WARS2: variants seen among roughly 807,000 people sequenced by gnomAD.
The protein encoded by WARS2 is tryptophanyl tRNA synthetase 2, mitochondrial.
A neutral mutation model predicts 36.5 loss-of-function variants in WARS2; 28 were observed. That is an observed-to-expected ratio of 0.77 (90% confidence interval 0.57 to 1.05). WARS2 has a LOEUF of 1.05. Among genes scored for constraint, WARS2 ranks in the 50% least tolerant of loss-of-function variants. WARS2 has a pLI of 0.00. For missense variants in WARS2, 435 were observed against 456.8 expected, an observed-to-expected ratio of 0.95 and a Z score of 0.44; for synonymous variants, 174 against 178.4, an observed-to-expected ratio of 0.98 and a Z score of 0.20.
chr1:119,105,973 C>A (rs956721018), intron 1 of WARS2, among the ~76,000 whole-genome samples: 7 of 151,880 alleles, frequency 4.6e-5, no homozygotes, highest in Non-Finnish European at 8.8e-5. Flanking sequence ...AATGACTGAT[C>A]AAAGAATATG....
At chr1:119,056,701 G>C (rs1025430132) in intron 2 of WARS2, among the ~76,000 whole-genome samples, 6 of 151,778 alleles carry the variant, frequency 4.0e-5, no homozygotes, top group Admixed American at 2.6e-4. Flanking sequence ...CCCAAAAGAA[G>C]TTCTCTCATG....
intron 1 of WARS2, among the ~76,000 whole-genome samples, chr1:119,134,319 CAAAAAAAAAA>C (rs761321480): frequency 1.1e-4 from 7 of 65,880 alleles, no homozygotes; most frequent in African/African-American, 2.9e-4. Flanking sequence ...GGCAAAGGGG[CAAAAAAAAAA>C]AAAAAAAAAA....
intron 1 of WARS2, among the ~76,000 whole-genome samples, chr1:119,135,408 A>G (rs1656413317): frequency 6.6e-6 from 1 of 152,214 alleles, no homozygotes; most frequent in Non-Finnish European, 1.5e-5. Flanking sequence ...TTTATATAAC[A>G]GGGATTCATG....
chr1:119,049,088 A>AAAAAT (rs746606516), intron 2 of WARS2, among the ~76,000 whole-genome samples: 9 of 152,188 alleles, frequency 5.9e-5, no homozygotes, highest in South Asian at 4.1e-4. Context: ...ATAAAAAGTA[A>AAAAAT]AAAATAAAAT....
intron 1 of WARS2, among the ~76,000 whole-genome samples, chr1:119,139,439 A>G (rs908176834): frequency 2.6e-5 from 4 of 152,168 alleles, no homozygotes; most frequent in African/African-American, 9.7e-5. Flanking sequence ...ATAATCATGG[A>G]ACTATAGATT....
At chr1:119,102,276 A>G (rs1453647151) in intron 1 of WARS2, among the ~76,000 whole-genome samples, 3 of 152,162 alleles carry the variant, frequency 2.0e-5, no homozygotes, top group Non-Finnish European at 4.4e-5. Flanking sequence ...TCATTGGTCT[A>G]TTTTACTTAG....
Position 119,094,330 on chromosome 1 carries a change from C to T in WARS2, c.91-17723G>A, listed in dbSNP as rs1446247669. ...CAGATGAAGCAGTATGGATGGCATG[C>T]GCTATTTCAACTTCCATGATCAATT... On this transcript the variant is annotated intron_variant, in intron 1 of 5. Coordinates refer to ENST00000235521, the MANE Select transcript of WARS2 (RefSeq NM_015836.4). Among the ~76,000 whole-genome samples, 7 of 151,954 alleles carry T rather than the reference C, an allele frequency of 4.6e-5. No individual in the cohort carries two copies. In the East Asian group the frequency reaches 9.7e-4, roughly 21 times the overall value.
At chr1:119,129,903 T>C (rs1419019809) in intron 1 of WARS2, among the ~76,000 whole-genome samples, 1 of 152,226 alleles carries the variant, frequency 6.6e-6, no homozygotes, top group Admixed American at 6.5e-5. Context: ...ATAAATTCTT[T>C]GCACAACCTT....
At chr1:119,066,247 G>A (rs915308385) in intron 2 of WARS2, among the ~76,000 whole-genome samples, 1 of 152,128 alleles carries the variant, frequency 6.6e-6, no homozygotes, top group African/African-American at 2.4e-5. Context: ...GGAGGCTAAG[G>A]TGGGCGGATC....
intron 2 of WARS2, among the ~76,000 whole-genome samples, chr1:119,062,334 T>C (rs988859206): frequency 1.1e-4 from 17 of 152,168 alleles, no homozygotes; most frequent in African/African-American, 3.9e-4. Flanking sequence ...GGTCTCATGA[T>C]TCTGAATATT....
intron 1 of WARS2, among the ~76,000 whole-genome samples, chr1:119,098,313 A>C (rs1653597901): frequency 6.6e-6 from 1 of 152,220 alleles, no homozygotes; most frequent in South Asian, 2.1e-4. Flanking sequence ...TAGAATAATA[A>C]GTGCTTAAAA....
intron 2 of WARS2, among the ~76,000 whole-genome samples, chr1:119,048,242 C>A (rs1023837099): frequency 6.6e-6 from 1 of 152,110 alleles, no homozygotes; most frequent in Admixed American, 6.6e-5. Flanking sequence ...AGTGAGGTTG[C>A]CTGGATCTGA....
At chr1:119,074,250 G>C (rs147784308) in intron 2 of WARS2, among the ~76,000 whole-genome samples, 1,774 of 152,308 alleles carry the variant, frequency 0.012, 24 homozygotes, top group South Asian at 0.027. Flanking sequence ...TTTGAGATAG[G>C]ATGACCAAGA....
At chr1:119,071,190 A>G (rs1330029696) in intron 2 of WARS2, among the ~76,000 whole-genome samples, 1 of 152,150 alleles carries the variant, frequency 6.6e-6, no homozygotes, top group East Asian at 1.9e-4. Flanking sequence ...AAAACAAGAT[A>G]ATATGTGTTG....
rs1257167978 is a variant in WARS2 at position 119,140,604 on chromosome 1, C to A, written c.41G>T (p.Ser14Ile). The stretch of plus-strand genomic sequence containing the variant: ...TCCCTTATGAAGTGCCCGGATGAAG[C>A]TCCAGCGCTCACGCGCTTTCCGCAT... The part of the protein sequence containing the change: ...HSMRKARERW[S>I]FIRALHKGSA... Residue 14 changes from serine to isoleucine, a missense_variant, in exon 1 of 6, where the codon AGC becomes ATC. Physicochemically the swap from Ser to Ile is moderately radical, Grantham distance 142. Transcript: ENST00000235521. 1.9e-6 allele frequency: 3 copies of A among 1,613,812 alleles called. No homozygotes were observed. Among genetic ancestry groups the A allele is most frequent in the Non-Finnish European group, 2.5e-6 (3 of 1,179,886 alleles).
At chr1:119,110,822 T>C (rs149054260) in intron 1 of WARS2, among the ~76,000 whole-genome samples, 347 of 152,240 alleles carry the variant, frequency 2.3e-3, no homozygotes, top group African/African-American at 8.0e-3. Context: ...TTGGATATTC[T>C]TTTCTTGTTT....
intron 2 of WARS2, among the ~76,000 whole-genome samples, chr1:119,059,603 T>G (rs1650207619): frequency 6.6e-6 from 1 of 152,238 alleles, no homozygotes; most frequent in South Asian, 2.1e-4. Flanking sequence ...AAAGGCAGTA[T>G]AAGTCCTCTA....
chr1:119,095,477 G>A (rs1340376785), intron 1 of WARS2, among the ~76,000 whole-genome samples: 1 of 152,036 alleles, frequency 6.6e-6, no homozygotes, highest in African/African-American at 2.4e-5. Flanking sequence ...ATGCTGGAGT[G>A]CAGTGGCGAT....
At chr1:119,039,438 A>AAG (rs1226223681) in intron 4 of WARS2, among the ~76,000 whole-genome samples, 9 of 151,816 alleles carry the variant, frequency 5.9e-5, no homozygotes, top group African/African-American at 9.7e-5. Flanking sequence ...GAGAGAGAAA[A>AAG]AGAGAGAGAG....
Sources: allele counts gnomAD v4.1 joint callset (sites outside exome capture counted in the v4.1 genomes callset), GRCh38; gene constraint gnomAD v4.1.1; transcripts MANE v1.5; gene names NCBI Gene and HGNC (gene_info 2026-07-23, HGNC 2026-07-21).